The following B4GALT1 variants were observed in gnomAD, a reference collection of about 807,000 sequenced individuals.
B4GALT1 encodes N-acetyllactosamine synthase.
In B4GALT1, 16 loss-of-function variants were observed where a neutral mutation model predicts 34.9. The observed-to-expected ratio is 0.46, with a 90% CI of 0.31 to 0.70. The LOEUF (loss-of-function observed/expected upper bound fraction) is 0.70. B4GALT1 is among the 30% of genes least tolerant of loss of function. The probability of loss-of-function intolerance (pLI) is 0.05; values close to 1 mark genes in which losing one functional copy is unlikely to be tolerated. For missense variants in B4GALT1, 445 were observed against 530.5 expected (o/e 0.84, Z 1.58); for synonymous variants, 221 against 218.1 (o/e 1.01, Z -0.12).
upstream of B4GALT1, among the ~76,000 whole-genome samples, chr9:33,169,985 T>TTTTTC (rs1447138623): frequency 3.3e-5 from 5 of 150,350 alleles, no homozygotes; most frequent in Non-Finnish European, 5.9e-5. Context: ...TTTTTTTTTT[T>TTTTTC]TTGAGACGGA....
rs1839887748 is a variant in B4GALT1 at position 33,113,134 on chromosome 9, A to C, written c.*320T>G. ...CTAACCTATTTCACGACAATTTAGC[A>C]ATTCTATCACCGGGAATGTGTTCCA... is the stretch of plus-strand genomic sequence containing the variant. On this transcript the variant is annotated 3_prime_UTR_variant, in exon 6 of 6. Transcript: ENST00000379731. 2.9e-6 allele frequency: 1 copy of C among 349,798 alleles called. No individual in the cohort carries two copies. The highest frequency in any genetic ancestry group is 5.3e-6 in the Non-Finnish European group (1 of 187,396). The allele number at this position is 349,798 out of a possible 1,614,324, so 21.7% of individuals were successfully genotyped here.
intron 2 of B4GALT1, among the ~76,000 whole-genome samples, chr9:33,127,277 T>A (rs944970799): frequency 3.3e-5 from 5 of 152,212 alleles, no homozygotes; most frequent in African/African-American, 9.7e-5. Context: ...GAGACAATTT[T>A]AAACCCAGCT....
At chr9:33,169,683 G>A (rs10971435), upstream of B4GALT1, among the ~76,000 whole-genome samples, 5,900 of 152,058 alleles carry the variant, frequency 0.039, 154 homozygotes, top group Non-Finnish European at 0.062. Flanking sequence ...ATCACGCCGG[G>A]CTAATTTTTT....
At position 33,113,505 on chromosome 9, in the gene B4GALT1, C is replaced by G; in HGVS notation, c.1146G>C (p.Gln382His). 1 of 1,614,216 alleles carries G rather than the reference C, an allele frequency of 6.2e-7. No homozygotes were observed. Among genetic ancestry groups the G allele is most frequent in the Non-Finnish European group, 8.5e-7 (1 of 1,180,034 alleles). Residue 382 changes from glutamine (Q) to histidine (H), a missense_variant, in exon 6 of 6, where the codon CAG becomes CAC. Gln to His is a conservative substitution (Grantham distance 24). This residue lies in a region of B4GALT1 where 89 missense variants were observed against 107.6 expected (regional missense o/e 0.83). Transcript: ENST00000379731. ...NSLTYQVLDVQRYPLYTQITV... is the reference protein window; with the variant it reads ...NSLTYQVLDVHRYPLYTQITV... ...TGATTTGGGTATACAATGGGTATCT[C>G]TGTACATCCAGCACCTGGTAGGTGA...
chr9:33,175,942 C>G, the B4GALT1 span, among the ~76,000 whole-genome samples: 2 of 152,190 alleles, frequency 1.3e-5, no homozygotes, highest in African/African-American at 4.8e-5. Flanking sequence ...TGACTTTTCC[C>G]CCACACGTCT....
chr9:33,146,239 A>C, intron 1 of B4GALT1, among the ~76,000 whole-genome samples: 1 of 152,226 alleles, frequency 6.6e-6, no homozygotes, highest in East Asian at 1.9e-4. Context: ...GAATTTCTGG[A>C]AAGTGTGGAA....
At chr9:33,128,811 G>C (rs547675086) in intron 2 of B4GALT1, among the ~76,000 whole-genome samples, 2 of 152,190 alleles carry the variant, frequency 1.3e-5, no homozygotes, top group African/African-American at 4.8e-5. Context: ...TCACTAATGG[G>C]ATAGACCCAG....
At chr9:33,132,577 T>C (rs1275913549) in intron 2 of B4GALT1, among the ~76,000 whole-genome samples, 1 of 152,236 alleles carries the variant, frequency 6.6e-6, no homozygotes, top group African/African-American at 2.4e-5. Context: ...GCCACCGGTC[T>C]GAGCTGGCTT....
rs377182851 is a variant in B4GALT1 at position 33,120,511 on chromosome 9, G to A, written c.744C>T (p.Asp248=). The A allele has an allele frequency of 2.5e-5, 41 of 1,614,034 alleles. No homozygotes were observed. The highest frequency in any genetic ancestry group is 1.3e-4 in the East Asian group (6 of 44,900). ...GGTCATTCATTGGAATGAGGTCCAC[G>A]TCACTAAACACAAAGCAGGTGTAGT... ...DYDYTCFVFS[D]VDLIPMNDHN... Residue 248 remains aspartate, a synonymous_variant, in exon 3 of 6, where the codon GAC becomes GAT. Coordinates refer to ENST00000379731, the MANE Select transcript of B4GALT1 (RefSeq NM_001497.4).
upstream of B4GALT1, among the ~76,000 whole-genome samples, chr9:33,171,438 C>T (rs150527744): frequency 2.3e-3 from 355 of 152,316 alleles, 2 homozygotes; most frequent in Non-Finnish European, 3.8e-3. Flanking sequence ...TTCAAAAATA[C>T]AGAAGATGGA....
In B4GALT1 at chr9:33,112,962, G is replaced by C. The variant is rs1414542181; in HGVS notation, c.*492C>G. On this transcript the variant is annotated 3_prime_UTR_variant, in exon 6 of 6. Transcript: ENST00000379731. Reference sequence around the variant, plus strand: ...GTGGTTGCATACCACTGAAAGAAGGGGGTGGGGGGAGGACGTAACATTAAG... The same window carrying C: ...GTGGTTGCATACCACTGAAAGAAGGCGGTGGGGGGAGGACGTAACATTAAG... 1 of 247,114 alleles carries C rather than the reference G, an allele frequency of 4.0e-6. No homozygotes were observed. Among genetic ancestry groups the C allele is most frequent in the Non-Finnish European group, 8.1e-6 (1 of 123,846 alleles). The allele number at this position is 247,114 out of a possible 1,614,324, so 15.3% of individuals were successfully genotyped here.
chr9:33,152,782 G>T (rs1407948364), intron 1 of B4GALT1, among the ~76,000 whole-genome samples: 1 of 152,110 alleles, frequency 6.6e-6, no homozygotes, highest in Admixed American at 6.5e-5. Context: ...GCTAAGGTGT[G>T]AGAATCACTT....
At chr9:33,179,446 G>C in the B4GALT1 span, 1 of 152,218 alleles carries the variant, frequency 6.6e-6, no homozygotes, top group African/African-American at 2.4e-5. Context: ...CACTCTCTGA[G>C]AGTTCTCTTG....
chr9:33,148,722 G>A (rs1379335330), intron 1 of B4GALT1, among the ~76,000 whole-genome samples: 2 of 151,430 alleles, frequency 1.3e-5, no homozygotes, highest in Non-Finnish European at 2.9e-5. Flanking sequence ...AGGAACTAGA[G>A]CTCATTGGAG....
chr9:33,168,178 T>G (rs1190841165), upstream of B4GALT1, among the ~76,000 whole-genome samples: 1 of 152,196 alleles, frequency 6.6e-6, no homozygotes, highest in South Asian at 2.1e-4. Context: ...CCCGGCAGAT[T>G]AAGAAACTTT....
intron 4 of B4GALT1, 108 bp from the exon 5 acceptor site, chr9:33,113,986 A>T: frequency 9.9e-7 from 1 of 1,008,268 alleles, no homozygotes. Flanking sequence ...TGCTGTTCTC[A>T]CTCAGCCCAC....
chr9:33,178,361 TA>T, the B4GALT1 span, among the ~76,000 whole-genome samples: 1 of 152,142 alleles, frequency 6.6e-6, no homozygotes, highest in East Asian at 1.9e-4. Context: ...TTGGTCCACA[TA>T]AGTCACAGGA....
chr9:33,116,255 C>G (rs560582824), intron 3 of B4GALT1, 142 bp from the exon 4 acceptor site: 1 of 1,101,316 alleles, frequency 9.1e-7, no homozygotes, highest in East Asian at 3.5e-5. Context: ...TTTTTTGAGA[C>G]GTAGTCTTGC....
At chr9:33,182,670 T>C in the B4GALT1 span, among the ~76,000 whole-genome samples, 2 of 152,206 alleles carry the variant, frequency 1.3e-5, no homozygotes, top group African/African-American at 4.8e-5. Context: ...TGTTCCAAAC[T>C]TCTCCCCGCT....
Sources: gnomAD v4.1 joint callset for allele counts (sites outside exome capture counted in the v4.1 genomes callset) on GRCh38, gnomAD v4.1.1 for gene constraint, gnomAD v4.1.1 regional missense constraint, MANE v1.5 for transcripts, NCBI Gene and HGNC (gene_info 2026-07-23, HGNC 2026-07-21) for gene names.